Variants in DSCAM observed in about 807,000 individuals in gnomAD.
The protein encoded by DSCAM is DS cell adhesion molecule.
DSCAM carries 47 observed loss-of-function variants against 217.7 expected under a neutral mutation model. That is an observed-to-expected ratio of 0.22 (90% CI 0.17 to 0.28). The LOEUF is 0.28. Among genes scored for constraint, DSCAM ranks in the 10% least tolerant of loss-of-function variants. DSCAM has a pLI of 1.00. For synonymous variants in DSCAM, 1,056 were observed against 1,015.3 expected (o/e 1.04, Z -0.76); for missense variants, 2,080 against 2,618.3 (o/e 0.79, Z 4.49).
chr21:40,052,689 C>T (rs1445937543), intron 29 of DSCAM, among the ~76,000 whole-genome samples: 1 of 152,226 alleles, frequency 6.6e-6, no homozygotes, highest in Non-Finnish European at 1.5e-5. Context: ...AAGGTATGTT[C>T]CTTTTCTTCC....
intron 32 of DSCAM, among the ~76,000 whole-genome samples, chr21:40,026,776 G>A (rs1431245291): frequency 7.1e-6 from 1 of 140,858 alleles, no homozygotes; most frequent in African/African-American, 2.6e-5. Context: ...CTCTGCACGT[G>A]AGATGGGTCT....
At chr21:40,381,295 T>C (rs1293756333) in intron 3 of DSCAM, among the ~76,000 whole-genome samples, 1 of 151,816 alleles carries the variant, frequency 6.6e-6, no homozygotes, top group Non-Finnish European at 1.5e-5. Context: ...TTTATAGAGA[T>C]ATGGAAAGGG....
At chr21:40,744,827 T>A (rs1336997058) in intron 1 of DSCAM, among the ~76,000 whole-genome samples, 1 of 152,182 alleles carries the variant, frequency 6.6e-6, no homozygotes, top group East Asian at 1.9e-4. Context: ...CCAGAAGAAT[T>A]AAATATCTAT....
chr21:40,188,108 T>TCACA (rs34374148), intron 12 of DSCAM, 121 bp from the exon 13 acceptor site: 221 of 612,640 alleles, frequency 3.6e-4, no homozygotes, highest in African/African-American at 2.3e-3. Flanking sequence ...ATAGGTACAC[T>TCACA]CACACACACA....
At chr21:40,086,082 G>C (rs2089528576) in intron 22 of DSCAM, among the ~76,000 whole-genome samples, 1 of 152,178 alleles carries the variant, frequency 6.6e-6, no homozygotes, top group Admixed American at 6.5e-5. Context: ...GGGCACTGGA[G>C]ATATCCTCAT....
At chr21:40,316,172 T>C (rs1425901731) in intron 8 of DSCAM, among the ~76,000 whole-genome samples, 1 of 152,038 alleles carries the variant, frequency 6.6e-6, no homozygotes, top group African/African-American at 2.4e-5. Context: ...TAAAGAAAAG[T>C]TTAGTCATAA....
chr21:40,623,746 C>G (rs150268783), intron 3 of DSCAM, among the ~76,000 whole-genome samples: 2 of 152,204 alleles, frequency 1.3e-5, no homozygotes, highest in Non-Finnish European at 2.9e-5. Flanking sequence ...TCCTCACTGT[C>G]CTTCCCCAGA....
At chr21:40,797,480 G>C (rs1206648522) in intron 1 of DSCAM, among the ~76,000 whole-genome samples, 3 of 152,186 alleles carry the variant, frequency 2.0e-5, no homozygotes, top group Non-Finnish European at 2.9e-5. Flanking sequence ...ATTCTCCCCA[G>C]TGAACACTAA....
At chr21:40,791,143 C>T (rs910383298) in intron 1 of DSCAM, among the ~76,000 whole-genome samples, 4 of 146,196 alleles carry the variant, frequency 2.7e-5, no homozygotes, top group African/African-American at 1.0e-4. Context: ...GGCAACAAAG[C>T]GAGACTTCAT....
At chr21:40,327,307 T>C (rs1170628936) in intron 8 of DSCAM, among the ~76,000 whole-genome samples, 2 of 152,176 alleles carry the variant, frequency 1.3e-5, no homozygotes, top group Non-Finnish European at 2.9e-5. Context: ...AAGTTTCCCA[T>C]GTTCAGCAAG....
At chr21:40,513,932 G>A (rs1326638565) in intron 3 of DSCAM, among the ~76,000 whole-genome samples, 2 of 152,258 alleles carry the variant, frequency 1.3e-5, no homozygotes, top group African/African-American at 2.4e-5. Flanking sequence ...ATCACAGATT[G>A]GGACAGAAAA....
intron 19 of DSCAM, among the ~76,000 whole-genome samples, chr21:40,130,810 T>C (rs1227031055): frequency 6.6e-6 from 1 of 152,214 alleles, no homozygotes; most frequent in East Asian, 1.9e-4. Context: ...AATAATCCCT[T>C]GCAAAAGTAC....
intron 11 of DSCAM, among the ~76,000 whole-genome samples, chr21:40,217,906 C>T (rs565575969): frequency 6.6e-6 from 1 of 152,108 alleles, no homozygotes; most frequent in African/African-American, 2.4e-5. Context: ...ATTATTAGAC[C>T]TTTACCAGAT....
At chr21:40,315,144 A>G (rs1308525423) in intron 8 of DSCAM, among the ~76,000 whole-genome samples, 1 of 152,178 alleles carries the variant, frequency 6.6e-6, no homozygotes, top group African/African-American at 2.4e-5. Flanking sequence ...CACGCCTGTA[A>G]TCCCAACACT....
chr21:40,477,360 G>T (rs547818925), intron 3 of DSCAM, among the ~76,000 whole-genome samples: 1 of 152,092 alleles, frequency 6.6e-6, no homozygotes, highest in Non-Finnish European at 1.5e-5. Flanking sequence ...CACAAAAAAG[G>T]AGATAGTTAA....
chr21:40,386,980 T>C (rs937226686), intron 3 of DSCAM, among the ~76,000 whole-genome samples: 1 of 152,194 alleles, frequency 6.6e-6, no homozygotes, highest in Admixed American at 6.5e-5. Flanking sequence ...TTCCATTTTT[T>C]TTTCAGGTAG....
At chr21:40,424,385 A>G (rs966654442) in intron 3 of DSCAM, among the ~76,000 whole-genome samples, 2 of 152,202 alleles carry the variant, frequency 1.3e-5, no homozygotes, top group Non-Finnish European at 2.9e-5. Flanking sequence ...ACTGACACCC[A>G]TAGAGGGAAC....
intron 20 of DSCAM, among the ~76,000 whole-genome samples, chr21:40,120,222 A>G (rs2090018205): frequency 6.6e-6 from 1 of 152,096 alleles, no homozygotes; most frequent in Non-Finnish European, 1.5e-5. Context: ...ACTGAATAAC[A>G]TTATCATCTG....
chr21:40,353,844 C>T, intron 4 of DSCAM, 101 bp from the exon 5 acceptor site: 1 of 1,033,308 alleles, frequency 9.7e-7, no homozygotes, highest in Non-Finnish European at 1.3e-6. Flanking sequence ...GTGCATCATA[C>T]CAACTATTGA....
Sources: allele counts gnomAD v4.1 joint callset (sites outside exome capture counted in the v4.1 genomes callset), GRCh38; gene constraint gnomAD v4.1.1; transcripts MANE v1.5; gene names NCBI Gene and HGNC (gene_info 2026-07-23, HGNC 2026-07-21).